Variants in BCR observed in about 807,000 individuals in gnomAD.
BCR encodes breakpoint cluster region protein.
Under a neutral mutation model 138.6 loss-of-function variants are expected in BCR, and 58 were observed. The observed-to-expected ratio is 0.42, with a 90% confidence interval of 0.34 to 0.52. The LOEUF (loss-of-function observed/expected upper bound fraction) is 0.52, where lower values mean the gene tolerates loss of function less well. Ranked by LOEUF, BCR falls within the 20% of genes least tolerant of loss-of-function variation. BCR has a pLI of 0.06. For synonymous variants in BCR, 786 were observed against 730.1 expected, an observed-to-expected ratio of 1.08 and a Z score of -1.23; for missense variants, 1,599 against 1,727.2, an observed-to-expected ratio of 0.93 and a Z score of 1.32.
At chr22:23,300,973 C>T (rs146035457) in intron 16 of BCR, among the ~76,000 whole-genome samples, 1 of 152,290 alleles carries the variant, frequency 6.6e-6, no homozygotes, top group African/African-American at 2.4e-5. Context: ...AGAATGTTGC[C>T]CTCTAAGGAG....
chr22:23,307,253 G>C (rs991216550), intron 16 of BCR, among the ~76,000 whole-genome samples: 4 of 151,476 alleles, frequency 2.6e-5, no homozygotes, highest in Admixed American at 2.6e-4. Flanking sequence ...ATGCCACCAT[G>C]CTTGGCTAAT....
chr22:23,307,378 A>G (rs2073961993), intron 16 of BCR, among the ~76,000 whole-genome samples: 1 of 151,124 alleles, frequency 6.6e-6, no homozygotes, highest in Non-Finnish European at 1.5e-5. Flanking sequence ...TGCTGATATC[A>G]CAGGCAGGGT....
At chr22:23,280,284 G>C (rs1054024034) in intron 8 of BCR, among the ~76,000 whole-genome samples, 1 of 152,200 alleles carries the variant, frequency 6.6e-6, no homozygotes, top group Non-Finnish European at 1.5e-5. Context: ...TGGCCTGGGG[G>C]AAGTCCCCTT....
At chr22:23,285,272 G>T in intron 10 of BCR, 71 bp downstream of exon 10, 1 of 1,499,614 alleles carries the variant, frequency 6.7e-7, no homozygotes, top group South Asian at 1.3e-5. Context: ...CACGGCCAGT[G>T]GGTGCTTTCT....
chr22:23,192,611 A>C lies in BCR; in HGVS notation c.1279+10372A>C, dbSNP rs190300941. ...CTCTCATTTTGCAAATCTCCAAGATAGGGATTTCCTGACTCTTGATAGCTC... is the reference window on the plus strand; with the variant it reads ...CTCTCATTTTGCAAATCTCCAAGATCGGGATTTCCTGACTCTTGATAGCTC... On this transcript the variant is annotated intron_variant, in intron 1 of 22. Coordinates refer to ENST00000305877, the MANE Select transcript of BCR (RefSeq NM_004327.4). Among the ~76,000 whole-genome samples the C allele has an allele frequency of 2.0e-5, 3 of 152,348 alleles. No homozygotes were observed. In the East Asian group the frequency reaches 5.8e-4, roughly 29 times the overall value.
intron 1 of BCR, among the ~76,000 whole-genome samples, chr22:23,188,477 G>A (rs2072374992): frequency 6.6e-6 from 1 of 152,212 alleles, no homozygotes; most frequent in Admixed American, 6.5e-5. Flanking sequence ...ACCTCACCAG[G>A]ACAAAGAGCC....
intron 19 of BCR, 159 bp from the exon 20 acceptor site, chr22:23,312,728 T>C (rs2074021783): frequency 3.3e-6 from 2 of 613,152 alleles, no homozygotes; most frequent in Non-Finnish European, 5.8e-6. Context: ...CACAGAACCA[T>C]GCACAGCTCT....
intron 10 of BCR, 83 bp downstream of exon 10, chr22:23,285,284 C>T (rs890424415): frequency 1.5e-5 from 22 of 1,446,042 alleles, no homozygotes; most frequent in South Asian, 2.7e-5. Context: ...GTGCTTTCTC[C>T]GTCAGGCCTC....
chr22:23,307,057 A>G (rs1425703266), intron 16 of BCR, among the ~76,000 whole-genome samples: 2 of 152,198 alleles, frequency 1.3e-5, no homozygotes, highest in Admixed American at 6.5e-5. Flanking sequence ...AGGAAAGGTA[A>G]GAATGTCTCC....
chr22:23,278,627 G>A (rs536261987), intron 8 of BCR, among the ~76,000 whole-genome samples: 37 of 151,924 alleles, frequency 2.4e-4, no homozygotes, highest in African/African-American at 6.7e-4. Context: ...CTCCGGAGGC[G>A]GAGGCAGGAG....
chr22:23,252,429 TTTC>T (rs1186583460), intron 1 of BCR, among the ~76,000 whole-genome samples: 2 of 137,992 alleles, frequency 1.4e-5, no homozygotes, highest in East Asian at 2.1e-4. Context: ...TTTCTTTTCT[TTTC>T]TTTTTTTTTT....
chr22:23,191,861 A>G (rs2072419253), intron 1 of BCR, among the ~76,000 whole-genome samples: 1 of 152,078 alleles, frequency 6.6e-6, no homozygotes, highest in Non-Finnish European at 1.5e-5. Context: ...CGGCGATGAA[A>G]CGTTGGCTTT....
chr22:23,288,985 G>A (rs1212876810), intron 12 of BCR, among the ~76,000 whole-genome samples: 1 of 152,182 alleles, frequency 6.6e-6, no homozygotes, highest in Non-Finnish European at 1.5e-5. Context: ...CCGTGGCCTG[G>A]GGGATCAAGG....
intron 1 of BCR, among the ~76,000 whole-genome samples, chr22:23,198,904 G>A (rs2146207460): frequency 6.6e-6 from 1 of 152,258 alleles, no homozygotes; most frequent in Admixed American, 6.5e-5. Context: ...TGTATCACCT[G>A]AGGTCAGGAG....
chr22:23,262,338 GTT>G (rs2073371044), intron 4 of BCR, among the ~76,000 whole-genome samples: 2 of 152,166 alleles, frequency 1.3e-5, no homozygotes, highest in African/African-American at 4.8e-5. Flanking sequence ...TGGGGGCTGA[GTT>G]TTCTGCTCTG....
chr22:23,311,843 G>T lies in BCR; in HGVS notation c.3322+7G>T, dbSNP rs2074011389. 6.2e-7 allele frequency: 1 copy of T among 1,611,582 alleles called. No homozygotes were observed. The highest frequency in any genetic ancestry group is 8.5e-7 in the Non-Finnish European group (1 of 1,179,864). On this transcript the variant is annotated splice_region_variant and intron_variant, in intron 19 of 22. Transcript: ENST00000305877. ...AAGGCAGCCTTCGACGTCAGTGAGT[G>T]TTGGCCTGCGCAGGACGGGATGGAG...
At chr22:23,305,008 A>G (rs2073941945) in intron 16 of BCR, among the ~76,000 whole-genome samples, 1 of 152,026 alleles carries the variant, frequency 6.6e-6, no homozygotes, top group Non-Finnish European at 1.5e-5. Flanking sequence ...CCAGCTCCTC[A>G]GGGGCTGAGG....
intron 1 of BCR, among the ~76,000 whole-genome samples, chr22:23,223,835 T>TAAC (rs1388093872): frequency 6.6e-6 from 1 of 152,164 alleles, no homozygotes; most frequent in East Asian, 1.9e-4. Context: ...GTCCCCCCTG[T>TAAC]AATGGGAACA....
chr22:23,222,680 C>T (rs995978980), intron 1 of BCR, among the ~76,000 whole-genome samples: 6 of 152,120 alleles, frequency 3.9e-5, no homozygotes, highest in African/African-American at 7.2e-5. Flanking sequence ...ACAGACCAGA[C>T]GTGGGCTATG....
Sources: gnomAD v4.1 joint callset for allele counts (sites outside exome capture counted in the v4.1 genomes callset) on GRCh38, gnomAD v4.1.1 for gene constraint, MANE v1.5 for transcripts, NCBI Gene and HGNC (gene_info 2026-07-23, HGNC 2026-07-21) for gene names.